The following IDE variants were observed in gnomAD, a reference collection of about 807,000 sequenced individuals.
IDE encodes insulin-degrading enzyme.
A neutral mutation model predicts 133.2 loss-of-function variants in IDE; 58 were observed. That is an observed-to-expected ratio of 0.44 (90% CI 0.35 to 0.54). The LOEUF (loss-of-function observed/expected upper bound fraction) is 0.54. IDE is among the 20% of genes least tolerant of loss of function. The pLI, the probability that IDE is intolerant of heterozygous loss-of-function variation, is 0.00. For synonymous variants in IDE, 396 were observed against 421.3 expected, an observed-to-expected ratio of 0.94 and a Z score of 0.73; for missense variants, 981 against 1,234.0, an observed-to-expected ratio of 0.79 and a Z score of 3.07.
At position 92,456,343 on chromosome 10, in the gene IDE, A is replaced by C. The variant is rs749017719; in HGVS notation, c.2896+16T>G. ...TGGCTCAACATGAGCCTAAAAAGGC[A>C]ACATTTGATACTTACAAGAATCCAT... On this transcript the variant is annotated intron_variant, in intron 23 of 24. Transcript: ENST00000265986. 6.3e-7 allele frequency: 1 copy of C among 1,598,536 alleles called. No individual in the cohort carries two copies. The highest frequency in any genetic ancestry group is 8.6e-7 in the Non-Finnish European group (1 of 1,165,734).
chr10:92,555,438 G>A (rs545259464), intron 1 of IDE, among the ~76,000 whole-genome samples: 34 of 151,084 alleles, frequency 2.3e-4, no homozygotes, highest in East Asian at 7.8e-4. Flanking sequence ...CGGAGGTTGC[G>A]GTGAGCCGTG....
chr10:92,513,688 A>G (rs1404162053), intron 5 of IDE, among the ~76,000 whole-genome samples: 1 of 150,410 alleles, frequency 6.6e-6, no homozygotes, highest in African/African-American at 2.4e-5. Context: ...ATATATGCAC[A>G]TATAAGAACA....
At chr10:92,484,732 C>CA (rs149753278) in intron 13 of IDE, among the ~76,000 whole-genome samples, 6,314 of 135,126 alleles carry the variant, frequency 0.047, 175 homozygotes, top group Non-Finnish European at 0.068. Flanking sequence ...GACTCTGTCT[C>CA]AAAAAAAAAA....
chr10:92,537,087 T>TA (rs901005807), intron 2 of IDE, among the ~76,000 whole-genome samples: 218 of 144,666 alleles, frequency 1.5e-3, no homozygotes, highest in East Asian at 8.2e-3. Flanking sequence ...TGTACCACGG[T>TA]AAAAAAAAAA....
In IDE at chr10:92,537,467, T is replaced by A. The variant is rs754929229; in HGVS notation, c.182A>T (p.Lys61Met). ...CAGCTCTAGCCCTCGATATTCTCGC[T>A]TGTCTTCAGGAGACTTGGTAATGTG... is the stretch of plus-strand genomic sequence containing the variant. ...GNHITKSPEDKREYRGLELAN... is the reference protein window; with the variant it reads ...GNHITKSPEDMREYRGLELAN... Residue 61 changes from lysine (K) to methionine (M), a missense_variant, in exon 2 of 25, where the codon AAG becomes ATG. Physicochemically the swap from Lys to Met is moderately conservative, Grantham distance 95 (BLOSUM62 -1). This residue lies in a region of IDE where 321 missense variants were observed against 339.3 expected (regional missense o/e 0.95). Coordinates refer to ENST00000265986, the MANE Select transcript of IDE (RefSeq NM_004969.4). 2 of 1,613,804 alleles carry A rather than the reference T, an allele frequency of 1.2e-6. No homozygotes were observed. Among genetic ancestry groups the A allele is most frequent in the East Asian group, 2.2e-5 (1 of 44,884 alleles).
chr10:92,462,170 GC>G (rs1845428428), intron 21 of IDE, among the ~76,000 whole-genome samples: 1 of 151,920 alleles, frequency 6.6e-6, no homozygotes, highest in Admixed American at 6.6e-5. Flanking sequence ...ATAAAAATTA[GC>G]CAGGCATAGT....
At chr10:92,480,142 A>T (rs1328824048) in intron 14 of IDE, among the ~76,000 whole-genome samples, 3 of 152,258 alleles carry the variant, frequency 2.0e-5, no homozygotes, top group Non-Finnish European at 4.4e-5. Flanking sequence ...CAGATAAGAA[A>T]CATAATTTTC....
chr10:92,491,058 T>G (rs1847310021), intron 11 of IDE, among the ~76,000 whole-genome samples: 1 of 151,750 alleles, frequency 6.6e-6, no homozygotes, highest in Non-Finnish European at 1.5e-5. Context: ...GGCAAAATAG[T>G]GGGACCCGTC....
chr10:92,540,878 A>T (rs184255146), intron 1 of IDE, among the ~76,000 whole-genome samples: 2 of 152,292 alleles, frequency 1.3e-5, no homozygotes, highest in Non-Finnish European at 2.9e-5. Context: ...TTAGACAAAA[A>T]AAATTTAAAT....
At chr10:92,490,812 T>C (rs1337764010) in intron 11 of IDE, among the ~76,000 whole-genome samples, 2 of 152,170 alleles carry the variant, frequency 1.3e-5, no homozygotes, top group Non-Finnish European at 2.9e-5. Context: ...CCATTATTTT[T>C]AGTATGAAAA....
chr10:92,475,667 C>A (rs1272471104), intron 16 of IDE, among the ~76,000 whole-genome samples: 1 of 151,898 alleles, frequency 6.6e-6, no homozygotes, highest in East Asian at 1.9e-4. Context: ...GCTCTTGGCA[C>A]CCACAGAGAA....
intron 6 of IDE, among the ~76,000 whole-genome samples, chr10:92,509,551 C>A (rs1848477499): frequency 6.6e-6 from 1 of 152,000 alleles, no homozygotes; most frequent in South Asian, 2.1e-4. Flanking sequence ...CACGATCGCG[C>A]CGCTGCACTC....
intron 11 of IDE, among the ~76,000 whole-genome samples, chr10:92,502,578 T>A (rs1323933302): frequency 1.3e-5 from 2 of 152,218 alleles, no homozygotes; most frequent in African/African-American, 4.8e-5. Context: ...CATATGCAAT[T>A]ATGTGTATCA....
rs1283379964 is a variant in IDE at position 92,531,866 on chromosome 10, T to C, written c.543A>G (p.Arg181=). Residue 181 remains arginine, a synonymous_variant, in exon 4 of 25, where the codon AGA becomes AGG. Transcript: ENST00000265986. ...GTTCTGAATCAACTGCATTCACCTC[T>C]CTGTCTTTGCAACTTTCATCGAACA... ...CPLFDESCKD[R]EVNAVDSEHE... 6.3e-7 allele frequency: 1 copy of C among 1,580,960 alleles called. No individual in the cohort carries two copies. Among genetic ancestry groups the C allele is most frequent in the Non-Finnish European group, 8.6e-7 (1 of 1,160,196 alleles).
chr10:92,550,629 C>A (rs1167721153), intron 1 of IDE, among the ~76,000 whole-genome samples: 3 of 110,308 alleles, frequency 2.7e-5, no homozygotes, highest in African/African-American at 7.2e-5. Context: ...CCAGCCTGGG[C>A]AACAGAGCTA....
chr10:92,553,958 T>TA (rs1271517436), intron 1 of IDE, among the ~76,000 whole-genome samples: 21 of 152,222 alleles, frequency 1.4e-4, no homozygotes, highest in Non-Finnish European at 1.9e-4. Flanking sequence ...AAGGAAGGAA[T>TA]AACTCCAAAC....
intron 1 of IDE, among the ~76,000 whole-genome samples, chr10:92,538,596 C>T (rs1327528255): frequency 2.0e-5 from 3 of 152,174 alleles, no homozygotes; most frequent in Admixed American, 1.3e-4. Context: ...CTCTGACAGT[C>T]TTCTTTCTTC....
chr10:92,533,855 C>A (rs11819413), intron 3 of IDE, among the ~76,000 whole-genome samples: 8,729 of 151,976 alleles, frequency 0.057, 871 homozygotes, highest in African/African-American at 0.2. Context: ...GAAACCCCAT[C>A]TCTACTAAAA....
At chr10:92,551,671 G>A (rs1842790942) in intron 1 of IDE, among the ~76,000 whole-genome samples, 1 of 151,686 alleles carries the variant, frequency 6.6e-6, no homozygotes, top group South Asian at 2.1e-4. Context: ...TTCACAGACA[G>A]AAAACAGACA....
Sources: allele counts gnomAD v4.1 joint callset (sites outside exome capture counted in the v4.1 genomes callset), GRCh38; gene constraint gnomAD v4.1.1; regional missense constraint gnomAD v4.1.1; transcripts MANE v1.5; gene names NCBI Gene and HGNC (gene_info 2026-07-23, HGNC 2026-07-21).